Variants in USP49 observed in about 807,000 individuals in gnomAD.
USP49 encodes the protein ubiquitin carboxyl-terminal hydrolase 49.
Under a neutral mutation model 58.6 loss-of-function variants are expected in USP49, and 24 were observed. The ratio of observed to expected loss-of-function variants is 0.41; its 90% CI spans 0.30 to 0.58. The LOEUF (loss-of-function observed/expected upper bound fraction) is 0.58. Among genes scored for constraint, USP49 ranks in the 20% least tolerant of loss-of-function variants. USP49 has a pLI of 0.30. For missense variants in USP49, 703 were observed against 866.1 expected, an observed-to-expected ratio of 0.81 and a Z score of 2.36; for synonymous variants, 408 against 365.1, an observed-to-expected ratio of 1.12 and a Z score of -1.34.
At position 41,795,929 on chromosome 6, in the gene USP49, A is replaced by C. The variant is rs1165698969; in HGVS notation, c.*604T>G. ...GGGTATGACATATGAAAACCATCCCACTTTGCATGGGGAAATTTGTTCCAT... is the reference window on the plus strand; with the variant it reads ...GGGTATGACATATGAAAACCATCCCCCTTTGCATGGGGAAATTTGTTCCAT... On this transcript the variant is annotated 3_prime_UTR_variant, in exon 8 of 8. Transcript: ENST00000682992. 1 of 152,250 alleles carries C rather than the reference A, an allele frequency of 6.6e-6. No homozygotes were observed. The highest frequency in any genetic ancestry group is 2.4e-5 in the African/African-American group (1 of 41,458). 9.4% of individuals were successfully genotyped at this position (152,250 alleles called of 1,614,324 possible).
chr6:41,841,892 A>C (rs1321811392), intron 3 of USP49, among the ~76,000 whole-genome samples: 1 of 152,122 alleles, frequency 6.6e-6, no homozygotes, highest in Non-Finnish European at 1.5e-5. Context: ...CCCTGTCTCT[A>C]CCACAAATAC....
At chr6:41,861,938 G>A (rs771650174) in intron 3 of USP49, among the ~76,000 whole-genome samples, 3 of 152,030 alleles carry the variant, frequency 2.0e-5, no homozygotes, top group African/African-American at 7.2e-5. Context: ...TGTCCCTCAG[G>A]CAATCCGCCC....
chr6:41,841,128 A>C (rs1156745927), intron 3 of USP49, among the ~76,000 whole-genome samples: 3 of 152,084 alleles, frequency 2.0e-5, no homozygotes, highest in Non-Finnish European at 4.4e-5. Context: ...CAATGTAGAC[A>C]AACTAAATTA....
intron 3 of USP49, among the ~76,000 whole-genome samples, chr6:41,852,124 G>A (rs1024225126): frequency 2.0e-5 from 3 of 151,890 alleles, no homozygotes; most frequent in Non-Finnish European, 4.4e-5. Flanking sequence ...TCAGGAGTTC[G>A]AGACTAGCCT....
rs183160861 is a variant in USP49 at position 41,868,084 on chromosome 6, C to G, written c.-29+3480G>C. Among the ~76,000 whole-genome samples, 353 of 152,264 alleles carry G rather than the reference C, an allele frequency of 2.3e-3. 1 individual carries two copies. The highest frequency in any genetic ancestry group is 6.8e-3 in the Middle Eastern group (2 of 294). On this transcript the variant is annotated intron_variant, in intron 3 of 7. Coordinates refer to ENST00000682992, the MANE Select transcript of USP49 (RefSeq NM_001286554.2). ...AAGAGTTATTAACTAGGCCAGCACTCCCCTGGTCAATAGCATAGGCCTAGG... is the reference window on the plus strand; with the variant it reads ...AAGAGTTATTAACTAGGCCAGCACTGCCCTGGTCAATAGCATAGGCCTAGG...
chr6:41,886,331 C>T (rs1474415297), intron 2 of USP49: 2 of 152,216 alleles, frequency 1.3e-5, no homozygotes, highest in African/African-American at 4.8e-5. Context: ...TGAATGCTTA[C>T]ATAAATGAGA....
intron 2 of USP49, among the ~76,000 whole-genome samples, chr6:41,887,584 A>G (rs1339774059): frequency 6.6e-6 from 1 of 152,212 alleles, no homozygotes; most frequent in African/African-American, 2.4e-5. Flanking sequence ...GAGTGGGGCA[A>G]AGACATAGAC....
chr6:41,819,743 A>G (rs1773421768), intron 3 of USP49, among the ~76,000 whole-genome samples: 1 of 152,208 alleles, frequency 6.6e-6, no homozygotes, highest in Non-Finnish European at 1.5e-5. Context: ...ATTTTGCATG[A>G]AACTAGGGCA....
In USP49 at chr6:41,795,673, T is replaced by C. The variant is rs1345261255; in HGVS notation, c.*860A>G. ...ATCAGCTATCTCTGCCCACCCTCAATTGAGTTCTGAGAAAACCTAAGAATC... is the reference window on the plus strand; with the variant it reads ...ATCAGCTATCTCTGCCCACCCTCAACTGAGTTCTGAGAAAACCTAAGAATC... On this transcript the variant is annotated 3_prime_UTR_variant, in exon 8 of 8. Coordinates refer to ENST00000682992, the MANE Select transcript of USP49 (RefSeq NM_001286554.2). 3.3e-5 allele frequency: 5 copies of C among 152,180 alleles called. No individual in the cohort carries two copies. The highest frequency in any genetic ancestry group is 4.1e-4 in the South Asian group (2 of 4,830). 9.4% of individuals were successfully genotyped at this position (152,180 alleles called of 1,614,324 possible). A position where few individuals can be genotyped will look rare whatever the true frequency, so the allele number is the denominator to read the frequency against.
intron 3 of USP49, chr6:41,868,980 T>C (rs1774369116): frequency 1.3e-5 from 2 of 151,720 alleles, no homozygotes; most frequent in African/African-American, 4.8e-5. Context: ...ATCAGGCTGG[T>C]CTTGAACTCC....
chr6:41,834,172 A>G (rs1773685658), intron 3 of USP49, among the ~76,000 whole-genome samples: 2 of 152,132 alleles, frequency 1.3e-5, no homozygotes, highest in South Asian at 4.1e-4. Context: ...TGTCCTTGAG[A>G]TGTCTGACCT....
intron 1 of USP49, among the ~76,000 whole-genome samples, chr6:41,892,671 A>G (rs1397909779): frequency 6.6e-6 from 1 of 152,224 alleles, no homozygotes; most frequent in East Asian, 1.9e-4. Flanking sequence ...ATCTTTGTTA[A>G]CTACTACAAA....
At chr6:41,850,731 A>C (rs1348154127) in intron 3 of USP49, among the ~76,000 whole-genome samples, 2 of 151,414 alleles carry the variant, frequency 1.3e-5, no homozygotes, top group Admixed American at 6.6e-5. Context: ...CAGCCTCCTG[A>C]GTAGCTGGGA....
chr6:41,881,536 G>A (rs1466153389), intron 2 of USP49, among the ~76,000 whole-genome samples: 1 of 151,596 alleles, frequency 6.6e-6, no homozygotes, highest in African/African-American at 2.4e-5. Context: ...AGAAACTAAA[G>A]GAAAAAAAAG....
intron 3 of USP49, among the ~76,000 whole-genome samples, chr6:41,848,122 G>A (rs1230060237): frequency 6.6e-6 from 1 of 152,114 alleles, no homozygotes; most frequent in Non-Finnish European, 1.5e-5. Context: ...TGTGAATGAA[G>A]TTTTTAACAA....
chr6:41,865,044 T>C (rs1403705021), intron 3 of USP49, among the ~76,000 whole-genome samples: 2 of 152,126 alleles, frequency 1.3e-5, no homozygotes, highest in Non-Finnish European at 2.9e-5. Flanking sequence ...TATTTTTATT[T>C]ATTTATTTAT....
chr6:41,850,460 A>T (rs1036555548), intron 3 of USP49, among the ~76,000 whole-genome samples: 84 of 151,320 alleles, frequency 5.6e-4, no homozygotes, highest in African/African-American at 2.0e-3. Flanking sequence ...AGAAAAAAAA[A>T]AAAAATAAAT....
chr6:41,820,943 G>A (rs955554570), intron 3 of USP49, among the ~76,000 whole-genome samples: 2 of 152,174 alleles, frequency 1.3e-5, no homozygotes, highest in Non-Finnish European at 2.9e-5. Context: ...TGAGGCTGCA[G>A]TGAGCTGTGA....
intron 2 of USP49, among the ~76,000 whole-genome samples, chr6:41,888,412 T>TG (rs1225810137): frequency 6.6e-6 from 1 of 151,408 alleles, no homozygotes; most frequent in African/African-American, 2.4e-5. Context: ...GCTTAAAGAG[T>TG]GGGGAAAAAA....
Sources: allele counts gnomAD v4.1 joint callset (sites outside exome capture counted in the v4.1 genomes callset), GRCh38; gene constraint gnomAD v4.1.1; transcripts MANE v1.5; gene names NCBI Gene and HGNC (gene_info 2026-07-23, HGNC 2026-07-21).